Variants in RSPH14 observed in about 807,000 individuals in gnomAD.
RSPH14 encodes the protein rhabdoid tumor deletion region gene 1.
A neutral mutation model predicts 26.7 loss-of-function variants in RSPH14; 20 were observed. The observed-to-expected ratio is 0.75, with a 90% confidence interval of 0.53 to 1.09. The LOEUF (loss-of-function observed/expected upper bound fraction) is 1.09. Ranked by LOEUF, RSPH14 falls within the 50% of genes least tolerant of loss-of-function variation. RSPH14 has a pLI of 0.00. For missense variants in RSPH14, 449 were observed against 457.2 expected, an observed-to-expected ratio of 0.98 and a Z score of 0.16; for synonymous variants, 177 against 189.3, an observed-to-expected ratio of 0.93 and a Z score of 0.53.
At chr22:23,099,880 G>T (rs1245200269) in intron 4 of RSPH14, among the ~76,000 whole-genome samples, 1 of 152,264 alleles carries the variant, frequency 6.6e-6, no homozygotes, top group Non-Finnish European at 1.5e-5. Context: ...AGGCACCTGA[G>T]GGGGTAGGTG....
intron 4 of RSPH14, among the ~76,000 whole-genome samples, chr22:23,091,523 G>A (rs1459117918): frequency 5.7e-5 from 8 of 139,406 alleles, no homozygotes; most frequent in Admixed American, 2.9e-4. Flanking sequence ...CACACACACC[G>A]CAATAGACCT....
chr22:23,165,946 A>G, the RSPH14 span, among the ~76,000 whole-genome samples: 2 of 152,104 alleles, frequency 1.3e-5, no homozygotes, highest in East Asian at 1.9e-4. Flanking sequence ...GGAGATAGAG[A>G]CCATCCTGGC....
intron 4 of RSPH14, among the ~76,000 whole-genome samples, chr22:23,097,511 A>AG (rs1601796092): frequency 6.6e-6 from 1 of 152,206 alleles, no homozygotes; most frequent in Non-Finnish European, 1.5e-5. Flanking sequence ...TCCTCGCATC[A>AG]GGGGTCTCCC....
upstream of RSPH14, among the ~76,000 whole-genome samples, chr22:23,147,430 A>G (rs1009952126): frequency 1.3e-5 from 2 of 152,066 alleles, no homozygotes; most frequent in African/African-American, 4.8e-5. Context: ...CCTGGGCTGA[A>G]GCAATCCTTC....
chr22:23,155,885 C>A, the RSPH14 span: 1 of 1,311,326 alleles, frequency 7.6e-7, no homozygotes, highest in Non-Finnish European at 1.0e-6. Context: ...GTCTCCCACC[C>A]ATGGTCCCGT....
intron 4 of RSPH14, chr22:23,095,430 C>T (rs1401612414): frequency 2.2e-5 from 11 of 494,970 alleles, no homozygotes; most frequent in East Asian, 6.8e-5. Flanking sequence ...GGAATGACTA[C>T]GGCAAATCAG....
chr22:23,072,160 G>A (rs535310241), intron 4 of RSPH14, among the ~76,000 whole-genome samples: 11 of 152,276 alleles, frequency 7.2e-5, no homozygotes, highest in Admixed American at 7.2e-4. Flanking sequence ...CAGGGCACTG[G>A]GTAACCACCC....
At chr22:23,083,890 C>CA (rs2068743836) in intron 4 of RSPH14, among the ~76,000 whole-genome samples, 1 of 152,200 alleles carries the variant, frequency 6.6e-6, no homozygotes, top group African/African-American at 2.4e-5. Flanking sequence ...CTGCAGTAGT[C>CA]AGGGGTCCTC....
chr22:23,059,616 A>G lies in RSPH14; in HGVS notation c.893T>C (p.Met298Thr), dbSNP rs549080037. 12 of 1,613,050 alleles carry G rather than the reference A, an allele frequency of 7.4e-6. No individual in the cohort carries two copies. The African/African-American group carries it at 1.3e-4, about 18-fold the overall frequency. ...GCGGCCCTCGGGGGCCTCTGCCAGC[A>G]TGGTAAGGGCCTTGGTGGCATTCAG... ...ARLNATKALT[M>T]LAEAPEGRKA... is the part of the protein sequence containing the mutation. The change falls in exon 7 of 7, where the codon ATG becomes ACG. Residue 298 changes from methionine (M) to threonine (T), a missense_variant. Met to Thr is a moderately conservative substitution (Grantham distance 81, BLOSUM62 -1). Transcript: ENST00000216036.
intron 1 of RSPH14, among the ~76,000 whole-genome samples, chr22:23,141,079 C>T: frequency 6.6e-6 from 1 of 152,176 alleles, no homozygotes; most frequent in East Asian, 1.9e-4. Context: ...CCTGTAATCC[C>T]AGCACTTTGG....
chr22:23,126,544 G>A (rs1442135054), intron 4 of RSPH14, among the ~76,000 whole-genome samples: 1 of 152,224 alleles, frequency 6.6e-6, no homozygotes, highest in Non-Finnish European at 1.5e-5. Context: ...AGGGGTGTTG[G>A]AAACTCCATT....
intron 4 of RSPH14, among the ~76,000 whole-genome samples, chr22:23,108,218 G>C (rs758118913): frequency 3.9e-5 from 6 of 152,258 alleles, no homozygotes; most frequent in African/African-American, 1.4e-4. Context: ...ATCTGGCCTT[G>C]CCTGCCATCC....
chr22:23,096,555 T>G (rs2069130606), intron 4 of RSPH14: 3 of 894,994 alleles, frequency 3.4e-6, no homozygotes, highest in Admixed American at 2.3e-5. Flanking sequence ...GCACGATAAC[T>G]GAGGCAGCTC....
chr22:23,128,024 C>T (rs531782458), intron 4 of RSPH14, among the ~76,000 whole-genome samples: 6 of 152,136 alleles, frequency 3.9e-5, no homozygotes, highest in Non-Finnish European at 7.3e-5. Flanking sequence ...CCCCATCATG[C>T]TGCTGCTAAA....
upstream of RSPH14, chr22:23,146,690 A>G (rs1217935734): frequency 1.2e-6 from 2 of 1,613,664 alleles, no homozygotes; most frequent in South Asian, 2.2e-5. Flanking sequence ...CCTAAGGTAG[A>G]GAGTCATTAC....
At chr22:23,093,414 C>G (rs1464429837) in intron 4 of RSPH14, among the ~76,000 whole-genome samples, 1 of 152,222 alleles carries the variant, frequency 6.6e-6, no homozygotes, top group Non-Finnish European at 1.5e-5. Context: ...CTGCTCTGTT[C>G]CCAGTGGGGA....
intron 4 of RSPH14, among the ~76,000 whole-genome samples, chr22:23,130,084 GAAGAAAGAAAGA>G (rs1221656067): frequency 0.093 from 4,796 of 51,486 alleles, 147 homozygotes; most frequent in Middle Eastern, 0.13. Context: ...AGAAAGAAAG[GAAGAAAGAAAGA>G]AAGAAAGAAA....
chr22:23,134,016 G>A lies in RSPH14; in HGVS notation c.421+10C>T, dbSNP rs747598718. 5.0e-6 allele frequency: 8 copies of A among 1,601,738 alleles called. No homozygotes were observed. Among genetic ancestry groups the A allele is most frequent in the East Asian group, 4.5e-5 (2 of 44,738 alleles). On this transcript the variant is annotated intron_variant, in intron 4 of 6. Coordinates refer to ENST00000216036, the MANE Select transcript of RSPH14 (RefSeq NM_014433.3). ...TGCCCGACAGATCTGTGTGCAGGAC[G>A]CAAGCCTACCTCTAGGCACCTGGAC... is the stretch of plus-strand genomic sequence containing the variant.
the RSPH14 span, among the ~76,000 whole-genome samples, chr22:23,154,200 C>A: frequency 6.6e-6 from 1 of 152,134 alleles, no homozygotes; most frequent in African/African-American, 2.4e-5. Flanking sequence ...CCTCTACTCT[C>A]CTGTGAGACC....
Sources: allele counts gnomAD v4.1 joint callset (sites outside exome capture counted in the v4.1 genomes callset), GRCh38; gene constraint gnomAD v4.1.1; transcripts MANE v1.5; gene names NCBI Gene and HGNC (gene_info 2026-07-23, HGNC 2026-07-21).